GFRA1: variants seen among roughly 807,000 people sequenced by gnomAD.
GFRA1 encodes the protein GDNF family receptor alpha 1, also known as GDNF family receptor alpha-1.
GFRA1 carries 16 observed loss-of-function variants against 51.6 expected under a neutral mutation model. That is an observed-to-expected ratio of 0.31 (90% CI 0.21 to 0.47). The LOEUF is 0.47. Among genes scored for constraint, GFRA1 ranks in the 20% least tolerant of loss-of-function variants. The pLI is 1.00. For synonymous variants in GFRA1, 270 were observed against 241.3 expected (o/e 1.12, Z -1.10); for missense variants, 530 against 594.3 (o/e 0.89, Z 1.13).
chr10:116,143,277 T>C lies in GFRA1; in HGVS notation c.434-17720A>G, dbSNP rs189913048. On this transcript the variant is annotated intron_variant, in intron 5 of 10. Transcript: ENST00000355422. ...CATTTCCTGAGGCTGGGTTTTAGGA[T>C]ACTGGGCAGAGCACTTCTCAAACAA... Among the ~76,000 whole-genome samples, 7 of 151,742 alleles carry C rather than the reference T, an allele frequency of 4.6e-5. No individual in the cohort carries two copies. The East Asian group carries it at 1.4e-3, about 30-fold the overall frequency.
intron 4 of GFRA1, among the ~76,000 whole-genome samples, chr10:116,230,492 G>A (rs1231064319): frequency 1.3e-5 from 2 of 152,150 alleles, no homozygotes; most frequent in South Asian, 2.1e-4. Context: ...TCCTGGAAAC[G>A]TGCTACAGGG....
In GFRA1 at chr10:116,271,034, C is replaced by T; in HGVS notation, c.122G>A (p.Ser41Asn). 1 of 1,614,192 alleles carries T rather than the reference C, an allele frequency of 6.2e-7. No homozygotes were observed. Among genetic ancestry groups the T allele is most frequent in the Non-Finnish European group, 8.5e-7 (1 of 1,180,008 alleles). ...KASDQCLKEQ[S>N]CSTKYRTLRQ... ...TAGCGTGCGGTACTTGGTGCTGCAGCTCTGCTCCTTCAGGCACTGATCACT... is the reference window on the plus strand; with the variant it reads ...TAGCGTGCGGTACTTGGTGCTGCAGTTCTGCTCCTTCAGGCACTGATCACT... The change falls in exon 3 of 11, where the codon AGC becomes AAC. Residue 41 changes from serine to asparagine, a missense_variant. By Grantham distance (46) the Ser-to-Asn change is conservative. Transcript: ENST00000355422.
rs1267362314 is a variant in GFRA1, at chr10:116,063,200, T to C, written c.*1198A>G. 1 of 152,196 alleles carries C rather than the reference T, an allele frequency of 6.6e-6. No individual in the cohort carries two copies. Among genetic ancestry groups the C allele is most frequent in the Non-Finnish European group, 1.5e-5 (1 of 68,046 alleles). The allele number at this position is 152,196 out of a possible 1,614,324, so 9.4% of individuals were successfully genotyped here. A position where few individuals can be genotyped will look rare whatever the true frequency, so the allele number is the denominator to read the frequency against. On this transcript the variant is annotated 3_prime_UTR_variant, in exon 11 of 11. Coordinates refer to ENST00000355422, the MANE Select transcript of GFRA1 (RefSeq NM_005264.8). ...ATAACCTGAAAACCAAGGTACTGGATTGTGTCATGACAAGTGTGTCAAGAG... is the reference window on the plus strand; with the variant it reads ...ATAACCTGAAAACCAAGGTACTGGACTGTGTCATGACAAGTGTGTCAAGAG...
intron 5 of GFRA1, among the ~76,000 whole-genome samples, chr10:116,205,306 G>A (rs1384268292): frequency 6.6e-6 from 1 of 152,030 alleles, no homozygotes; most frequent in African/African-American, 2.4e-5. Flanking sequence ...GGCCGGGCAC[G>A]GTGACTCACA....
chr10:116,248,769 C>T (rs1228928725), intron 4 of GFRA1, among the ~76,000 whole-genome samples: 6 of 152,140 alleles, frequency 3.9e-5, no homozygotes, highest in Non-Finnish European at 7.4e-5. Context: ...TGAAAAGCAG[C>T]GAATTAAATC....
chr10:116,128,504 T>C (rs1957966662), intron 5 of GFRA1, among the ~76,000 whole-genome samples: 1 of 152,026 alleles, frequency 6.6e-6, no homozygotes, highest in Non-Finnish European at 1.5e-5. Flanking sequence ...GGTGGACCGA[T>C]CACAAGGTCA....
At chr10:116,267,809 G>A (rs939961003) in intron 4 of GFRA1, among the ~76,000 whole-genome samples, 40 of 152,250 alleles carry the variant, frequency 2.6e-4, no homozygotes, top group African/African-American at 9.4e-4. Context: ...TGTCCTGGCT[G>A]GATCAAAGGG....
intron 5 of GFRA1, among the ~76,000 whole-genome samples, chr10:116,185,011 A>G (rs1589853300): frequency 6.6e-6 from 1 of 152,268 alleles, no homozygotes; most frequent in South Asian, 2.1e-4. Flanking sequence ...CCATCGAAAA[A>G]TATATTTTTT....
At chr10:116,111,578 C>A (rs2133968821) in intron 6 of GFRA1, among the ~76,000 whole-genome samples, 1 of 152,306 alleles carries the variant, frequency 6.6e-6, no homozygotes, top group South Asian at 2.1e-4. Context: ...CAGGGGCTCC[C>A]TCTCCTGTGT....
At chr10:116,246,803 T>C (rs1168690734) in intron 4 of GFRA1, among the ~76,000 whole-genome samples, 2 of 152,210 alleles carry the variant, frequency 1.3e-5, no homozygotes, top group Admixed American at 6.5e-5. Flanking sequence ...ATGTGAATTA[T>C]ATCTCAATAA....
At chr10:116,220,036 A>T (rs373238587) in intron 4 of GFRA1, among the ~76,000 whole-genome samples, 1 of 152,178 alleles carries the variant, frequency 6.6e-6, no homozygotes, top group African/African-American at 2.4e-5. Context: ...AATTACACAC[A>T]TTGTATCAAA....
At chr10:116,158,881 A>C (rs1024756303) in intron 5 of GFRA1, among the ~76,000 whole-genome samples, 2 of 152,202 alleles carry the variant, frequency 1.3e-5, no homozygotes. Context: ...AGGCCTCAAC[A>C]CAGTCTCAGC....
chr10:116,094,392 G>GAAAC (rs1165443834), intron 7 of GFRA1, among the ~76,000 whole-genome samples: 3 of 152,112 alleles, frequency 2.0e-5, no homozygotes, highest in African/African-American at 7.2e-5. Flanking sequence ...GAAAGAACTG[G>GAAAC]AAACAAACAG....
intron 6 of GFRA1, among the ~76,000 whole-genome samples, chr10:116,116,077 A>G (rs964916787): frequency 6.6e-6 from 1 of 152,064 alleles, no homozygotes; most frequent in Admixed American, 6.5e-5. Flanking sequence ...ACCTTTCACC[A>G]GCACTGTACT....
chr10:116,270,964 G>A lies in GFRA1; in HGVS notation c.192C>T (p.Ser64=), dbSNP rs1309447515. 1 of 1,614,210 alleles carries A rather than the reference G, an allele frequency of 6.2e-7. No individual in the cohort carries two copies. Among genetic ancestry groups the A allele is most frequent in the Non-Finnish European group, 8.5e-7 (1 of 1,180,048 alleles). The change falls in exon 3 of 11, where the codon TCC becomes TCT. Residue 64 remains serine (S), a synonymous_variant. Transcript: ENST00000355422. ...GGCACTCATCCTTGGCCTCCAGGCCGGATGCCAGGCTGAAGTTGGTCTCCT... is the reference window on the plus strand; with the variant it reads ...GGCACTCATCCTTGGCCTCCAGGCCAGATGCCAGGCTGAAGTTGGTCTCCT... ...AGKETNFSLA[S]GLEAKDECRS... is the part of the protein sequence containing the mutation.
chr10:116,088,420 C>T (rs2133866252), intron 9 of GFRA1, among the ~76,000 whole-genome samples: 1 of 152,240 alleles, frequency 6.6e-6, no homozygotes, highest in East Asian at 1.9e-4. Context: ...ATGTGGTCAC[C>T]ATTTCCCTCA....
At chr10:116,111,144 G>C (rs1589797232) in intron 6 of GFRA1, among the ~76,000 whole-genome samples, 1 of 152,196 alleles carries the variant, frequency 6.6e-6, no homozygotes, top group African/African-American at 2.4e-5. Context: ...CCAGGCCAAA[G>C]ACTGCTCCAA....
chr10:116,085,118 T>C (rs1022971879), intron 9 of GFRA1, among the ~76,000 whole-genome samples: 3 of 152,180 alleles, frequency 2.0e-5, no homozygotes, highest in Non-Finnish European at 2.9e-5. Flanking sequence ...CTTTCCTTTT[T>C]TAAAGCAAAG....
chr10:116,271,892 C>T (rs1843971659), intron 2 of GFRA1, 98 bp downstream of exon 2: 2 of 927,462 alleles, frequency 2.2e-6, no homozygotes, highest in Non-Finnish European at 3.5e-6. Context: ...CCACCACACC[C>T]GCGCCCCAAT....
Sources: gnomAD v4.1 joint callset for allele counts (sites outside exome capture counted in the v4.1 genomes callset) on GRCh38, gnomAD v4.1.1 for gene constraint, MANE v1.5 for transcripts, NCBI Gene and HGNC (gene_info 2026-07-23, HGNC 2026-07-21) for gene names.